Variants in ERBB4 observed in about 807,000 individuals in gnomAD.
ERBB4 encodes receptor tyrosine-protein kinase erbB-4.
A neutral mutation model predicts 158.0 loss-of-function variants in ERBB4; 42 were observed. That is an observed-to-expected ratio of 0.27 (90% confidence interval 0.21 to 0.34). ERBB4 has a LOEUF of 0.34. ERBB4 is among the 10% of genes least tolerant of loss of function. The pLI is 1.00. For missense variants in ERBB4, 1,333 were observed against 1,624.1 expected (o/e 0.82, Z 3.08); for synonymous variants, 583 against 558.7 (o/e 1.04, Z -0.61).
At chr2:211,388,173 T>C (rs1233134598) in intron 25 of ERBB4, among the ~76,000 whole-genome samples, 181 bp from the exon 26 acceptor site, 1 of 152,198 alleles carries the variant, frequency 6.6e-6, no homozygotes, top group Non-Finnish European at 1.5e-5. Context: ...GCAAGCTTAT[T>C]TATATGTTTT....
chr2:212,094,771 T>C (rs922111614), intron 2 of ERBB4, among the ~76,000 whole-genome samples: 16 of 152,074 alleles, frequency 1.1e-4, no homozygotes, highest in Non-Finnish European at 1.6e-4. Flanking sequence ...TCTTGATAAA[T>C]TATACAGTCT....
At chr2:212,421,568 A>C (rs909093327) in intron 1 of ERBB4, among the ~76,000 whole-genome samples, 2 of 152,190 alleles carry the variant, frequency 1.3e-5, no homozygotes, top group African/African-American at 4.8e-5. Context: ...GGATATTGTC[A>C]GTAAGAATGA....
At chr2:212,533,222 A>T (rs984694468) in intron 1 of ERBB4, among the ~76,000 whole-genome samples, 1 of 152,238 alleles carries the variant, frequency 6.6e-6, no homozygotes, top group Non-Finnish European at 1.5e-5. Flanking sequence ...TAGAAAGTTT[A>T]CATTATGTTT....
intron 2 of ERBB4, among the ~76,000 whole-genome samples, chr2:211,980,991 C>CAA (rs2081777528): frequency 6.6e-6 from 1 of 150,894 alleles, no homozygotes; most frequent in African/African-American, 2.4e-5. Context: ...CGCTCCCCAC[C>CAA]ATCTGTATTA....
At chr2:211,757,745 C>T (rs997146916) in intron 4 of ERBB4, among the ~76,000 whole-genome samples, 2 of 152,150 alleles carry the variant, frequency 1.3e-5, no homozygotes, top group Admixed American at 6.5e-5. Context: ...TAATCTGGCA[C>T]AAAAGTTGTG....
intron 1 of ERBB4, among the ~76,000 whole-genome samples, chr2:212,170,222 G>A (rs185510685): frequency 2.0e-5 from 3 of 152,248 alleles, no homozygotes; most frequent in Non-Finnish European, 2.9e-5. Flanking sequence ...ATGGAGATGA[G>A]GAATTTATTG....
intron 1 of ERBB4, among the ~76,000 whole-genome samples, chr2:212,264,147 C>T (rs750556925): frequency 4.6e-5 from 7 of 152,138 alleles, no homozygotes; most frequent in South Asian, 2.1e-4. Flanking sequence ...AAAATCTCTT[C>T]AAGTGTAATG....
chr2:211,622,275 T>C (rs1377089907), intron 18 of ERBB4, among the ~76,000 whole-genome samples: 1 of 152,090 alleles, frequency 6.6e-6, no homozygotes, highest in Non-Finnish European at 1.5e-5. Context: ...ACAATCTAAA[T>C]TGAGAAACAG....
intron 20 of ERBB4, among the ~76,000 whole-genome samples, chr2:211,451,135 A>G (rs2064235640): frequency 6.6e-6 from 1 of 152,206 alleles, no homozygotes; most frequent in Non-Finnish European, 1.5e-5. Flanking sequence ...TGACAAAGTT[A>G]GGGGCATGGA....
intron 1 of ERBB4, among the ~76,000 whole-genome samples, chr2:212,367,376 G>C (rs2089928461): frequency 6.6e-6 from 1 of 152,016 alleles, no homozygotes; most frequent in Admixed American, 6.6e-5. Flanking sequence ...GGGATAATTG[G>C]CTAGCCACAC....
chr2:212,034,768 AT>A (rs2076976676), intron 2 of ERBB4, among the ~76,000 whole-genome samples: 1 of 151,924 alleles, frequency 6.6e-6, no homozygotes, highest in Non-Finnish European at 1.5e-5. Context: ...CAACTGATAC[AT>A]TTAGAAACGT....
intron 1 of ERBB4, among the ~76,000 whole-genome samples, chr2:212,152,174 G>C (rs960555143): frequency 6.6e-6 from 1 of 151,724 alleles, no homozygotes; most frequent in Non-Finnish European, 1.5e-5. Flanking sequence ...TAAGAGTTCT[G>C]GCTCTAGAAT....
At chr2:211,660,853 A>C (rs879803933) in intron 15 of ERBB4, among the ~76,000 whole-genome samples, 3 of 152,204 alleles carry the variant, frequency 2.0e-5, no homozygotes, top group African/African-American at 4.8e-5. Flanking sequence ...AGTAAAACCA[A>C]TTAACTGTAG....
At chr2:211,562,834 G>C (rs982821313) in intron 19 of ERBB4, among the ~76,000 whole-genome samples, 1 of 144,712 alleles carries the variant, frequency 6.9e-6, no homozygotes, top group Non-Finnish European at 1.5e-5. Flanking sequence ...TGCAGTGGCG[G>C]GATCTCGGCT....
chr2:211,762,382 T>C (rs1432750828), intron 4 of ERBB4, among the ~76,000 whole-genome samples: 1 of 152,206 alleles, frequency 6.6e-6, no homozygotes. Context: ...TCAGCAAGAA[T>C]GTTACGAATA....
intron 2 of ERBB4, among the ~76,000 whole-genome samples, chr2:212,044,699 G>A (rs2077217385): frequency 6.6e-6 from 1 of 152,062 alleles, no homozygotes; most frequent in Admixed American, 6.6e-5. Context: ...GCTTATTGTT[G>A]GCTAATATGT....
chr2:211,797,514 G>A (rs2076407841), intron 3 of ERBB4, among the ~76,000 whole-genome samples: 1 of 151,684 alleles, frequency 6.6e-6, no homozygotes, highest in Non-Finnish European at 1.5e-5. Context: ...TTTGTTGCTG[G>A]CATGTTAAGA....
chr2:212,149,980 G>A (rs1016479424), intron 1 of ERBB4, among the ~76,000 whole-genome samples: 3 of 152,112 alleles, frequency 2.0e-5, no homozygotes, highest in Non-Finnish European at 4.4e-5. Context: ...GGAATCCTAG[G>A]CAAGCAGCAG....
chr2:212,468,938 A>G (rs550107328), intron 1 of ERBB4, among the ~76,000 whole-genome samples: 1 of 152,220 alleles, frequency 6.6e-6, no homozygotes, highest in Non-Finnish European at 1.5e-5. Context: ...CTTATTAGGA[A>G]AAAAATTATC....
Sources: allele counts gnomAD v4.1 joint callset (sites outside exome capture counted in the v4.1 genomes callset), GRCh38; gene constraint gnomAD v4.1.1; transcripts MANE v1.5; gene names NCBI Gene and HGNC (gene_info 2026-07-23, HGNC 2026-07-21).